The following RALGAPA2 variants were observed in gnomAD, a reference collection of about 807,000 sequenced individuals.
RALGAPA2 encodes the protein ral GTPase-activating protein subunit alpha-2.
In RALGAPA2, 139 loss-of-function variants were observed where a neutral mutation model predicts 230.4. That is an observed-to-expected ratio of 0.60 (90% confidence interval 0.53 to 0.69). The LOEUF is 0.69. Among genes scored for constraint, RALGAPA2 ranks in the 30% least tolerant of loss-of-function variants. RALGAPA2 has a pLI of 0.00. For synonymous variants in RALGAPA2, 847 were observed against 837.8 expected, an observed-to-expected ratio of 1.01 and a Z score of -0.19; for missense variants, 2,163 against 2,276.0, an observed-to-expected ratio of 0.95 and a Z score of 1.01.
intron 37 of RALGAPA2, among the ~76,000 whole-genome samples, chr20:20,469,014 G>A (rs545954825): frequency 1.5e-4 from 23 of 151,882 alleles, no homozygotes; most frequent in African/African-American, 5.3e-4. Flanking sequence ...CCATATGGAA[G>A]CATCTGTCAT....
intron 3 of RALGAPA2, among the ~76,000 whole-genome samples, chr20:20,669,167 T>G (rs2068053037): frequency 6.6e-6 from 1 of 152,224 alleles, no homozygotes; most frequent in African/African-American, 2.4e-5. Context: ...TGTCGATGTA[T>G]TTTAATTGGA....
At chr20:20,481,651 C>T (rs1290105526) in intron 36 of RALGAPA2, among the ~76,000 whole-genome samples, 2 of 152,134 alleles carry the variant, frequency 1.3e-5, no homozygotes, top group South Asian at 2.1e-4. Context: ...CACACATATA[C>T]CTATAATGTG....
At chr20:20,679,614 GA>G (rs11483171) in intron 2 of RALGAPA2, among the ~76,000 whole-genome samples, 12 of 149,474 alleles carry the variant, frequency 8.0e-5, no homozygotes, top group South Asian at 6.3e-4. Flanking sequence ...TTTGCTGCAA[GA>G]AAAAAAAAAT....
At chr20:20,424,043 T>C (rs918131957) in intron 37 of RALGAPA2, among the ~76,000 whole-genome samples, 13 of 152,246 alleles carry the variant, frequency 8.5e-5, no homozygotes, top group Non-Finnish European at 1.5e-4. Flanking sequence ...TCTGTTCTCA[T>C]ATTCCTATGT....
rs1416389679 is a variant in RALGAPA2, at chr20:20,531,704, T to C, written c.3565A>G (p.Ile1189Val). ...GGTAATACCTTCAGAGTTACTCCTATCACATTGATGGCCTCTTTCACCTGA... is the reference window on the plus strand; with the variant it reads ...GGTAATACCTTCAGAGTTACTCCTACCACATTGATGGCCTCTTTCACCTGA... Reference protein sequence around the residue: ...HPQVKEAINVIGVTLKFPNKI... With the variant: ...HPQVKEAINVVGVTLKFPNKI... The change falls in exon 27 of 40, where the codon ATA (isoleucine) becomes GTA (valine). Residue 1189 changes from isoleucine (I) to valine (V), a missense_variant. Coordinates refer to ENST00000202677, the MANE Select transcript of RALGAPA2 (RefSeq NM_020343.4). 1.9e-6 allele frequency: 3 copies of C among 1,605,002 alleles called. No individual in the cohort carries two copies. The highest frequency in any genetic ancestry group is 1.1e-5 in the South Asian group (1 of 89,032).
At chr20:20,576,809 A>C (rs940282494) in intron 20 of RALGAPA2, among the ~76,000 whole-genome samples, 1 of 152,076 alleles carries the variant, frequency 6.6e-6, no homozygotes, top group African/African-American at 2.4e-5. Context: ...TTATTTTAAA[A>C]ATTTATATTG....
At chr20:20,653,736 T>C in intron 3 of RALGAPA2, 149 bp from the exon 4 acceptor site, 2 of 492,786 alleles carry the variant, frequency 4.1e-6, no homozygotes, top group Non-Finnish European at 7.4e-6. Flanking sequence ...GCTGTATTCC[T>C]ATGAGATAGT....
At chr20:20,584,517 G>C (rs931336700) in intron 19 of RALGAPA2, among the ~76,000 whole-genome samples, 1 of 152,180 alleles carries the variant, frequency 6.6e-6, no homozygotes, top group Non-Finnish European at 1.5e-5. Flanking sequence ...CTCTCAAATT[G>C]ATAAGCTATT....
At chr20:20,598,173 C>T (rs1338944329) in intron 16 of RALGAPA2, among the ~76,000 whole-genome samples, 2 of 152,136 alleles carry the variant, frequency 1.3e-5, no homozygotes, top group East Asian at 1.9e-4. Context: ...CTTTTTGGCA[C>T]TGGTCCTTTT....
chr20:20,595,840 C>A (rs142123654), intron 16 of RALGAPA2, among the ~76,000 whole-genome samples: 1 of 151,804 alleles, frequency 6.6e-6, no homozygotes, highest in Non-Finnish European at 1.5e-5. Flanking sequence ...CCTGGCTACT[C>A]GGGAGGCTGA....
chr20:20,583,455 C>T (rs560791106), intron 19 of RALGAPA2, among the ~76,000 whole-genome samples: 20 of 152,206 alleles, frequency 1.3e-4, no homozygotes, highest in African/African-American at 4.1e-4. Flanking sequence ...TTATGAGCAC[C>T]ACTATGTATC....
In RALGAPA2 at chr20:20,406,660, C is replaced by T. The variant is rs148201934; in HGVS notation, c.5617+5367G>A. On this transcript the variant is annotated intron_variant, in intron 38 of 39. Coordinates refer to ENST00000202677, the MANE Select transcript of RALGAPA2 (RefSeq NM_020343.4). ...GGTGCAGTGGCACACACCTGTAATC[C>T]TAGTACTTTGGGAGGCTGAGGTGGG... Among the ~76,000 whole-genome samples, 131 of 152,320 alleles carry T rather than the reference C, an allele frequency of 8.6e-4. 1 individual carries two copies. In the East Asian group the frequency reaches 0.024, roughly 28 times the overall value.
intron 36 of RALGAPA2, among the ~76,000 whole-genome samples, chr20:20,478,351 T>C (rs957697535): frequency 2.6e-5 from 4 of 151,888 alleles, no homozygotes; most frequent in Admixed American, 6.6e-5. Context: ...TCTCAAGAAG[T>C]ACTGAAAAAC....
At chr20:20,454,906 G>A (rs1193908540) in intron 37 of RALGAPA2, among the ~76,000 whole-genome samples, 1 of 152,162 alleles carries the variant, frequency 6.6e-6, no homozygotes, top group Non-Finnish European at 1.5e-5. Flanking sequence ...AATAATTACA[G>A]CACAAAGCCC....
In RALGAPA2 at chr20:20,620,881, G is replaced by A. The variant is rs540001746; in HGVS notation, c.1234-251C>T. 1.1e-4 allele frequency among the ~76,000 whole-genome samples: 16 copies of A among 152,276 alleles called. No individual in the cohort carries two copies. In the South Asian group the frequency reaches 2.9e-3, roughly 28 times the overall value. On this transcript the variant is annotated intron_variant, in intron 10 of 39. Transcript: ENST00000202677. ...TTATAGGCCGGGCGCAGTGGCTCAC[G>A]CCTGTAATCCTAACACTTTGGGAGG...
chr20:20,536,900 T>A (rs1300808801), intron 24 of RALGAPA2, 116 bp from the exon 25 acceptor site: 2 of 1,226,906 alleles, frequency 1.6e-6, no homozygotes, highest in Non-Finnish European at 2.2e-6. Context: ...GGCCGAGTTA[T>A]TCTCTTCCAA....
chr20:20,647,124 T>C (rs996378767), intron 4 of RALGAPA2, among the ~76,000 whole-genome samples: 3 of 152,218 alleles, frequency 2.0e-5, no homozygotes, highest in Non-Finnish European at 4.4e-5. Context: ...AATTTCTCTT[T>C]GAACAAGTAA....
At chr20:20,646,193 T>C (rs1212741732) in intron 4 of RALGAPA2, among the ~76,000 whole-genome samples, 1 of 152,066 alleles carries the variant, frequency 6.6e-6, no homozygotes, top group Non-Finnish European at 1.5e-5. Context: ...TAGCTAAGAC[T>C]ACAGGCATGC....
chr20:20,531,199 C>T (rs2063357673), intron 27 of RALGAPA2, among the ~76,000 whole-genome samples: 1 of 152,192 alleles, frequency 6.6e-6, no homozygotes, highest in Non-Finnish European at 1.5e-5. Flanking sequence ...ATTTAGAGTT[C>T]GCCATTACTC....
Sources: allele counts gnomAD v4.1 joint callset (sites outside exome capture counted in the v4.1 genomes callset), GRCh38; gene constraint gnomAD v4.1.1; transcripts MANE v1.5; gene names NCBI Gene and HGNC (gene_info 2026-07-23, HGNC 2026-07-21).